SNX13: variants seen among roughly 807,000 people sequenced by gnomAD.
SNX13 encodes the protein sorting nexin-13.
Under a neutral mutation model 133.6 loss-of-function variants are expected in SNX13, and 45 were observed. The ratio of observed to expected loss-of-function variants is 0.34; its 90% CI spans 0.27 to 0.43. The LOEUF is 0.43. Ranked by LOEUF, SNX13 falls within the 20% of genes least tolerant of loss-of-function variation. The probability of loss-of-function intolerance (pLI) is 1.00; values close to 1 mark genes in which losing one functional copy is unlikely to be tolerated. For synonymous variants in SNX13, 414 were observed against 373.9 expected, an observed-to-expected ratio of 1.11 and a Z score of -1.24; for missense variants, 1,032 against 1,145.1, an observed-to-expected ratio of 0.90 and a Z score of 1.43.
intron 12 of SNX13, among the ~76,000 whole-genome samples, 152 bp from the exon 13 acceptor site, chr7:17,840,152 T>C (rs183138727): frequency 4.6e-5 from 7 of 152,208 alleles, no homozygotes; most frequent in Admixed American, 2.0e-4. Flanking sequence ...GGTGAAAATA[T>C]AGTTGTAAAT....
chr7:17,805,254 T>TGCGCGTGCGCGCGCGC (rs1785124880), intron 20 of SNX13, among the ~76,000 whole-genome samples: 1 of 132,440 alleles, frequency 7.6e-6, no homozygotes, highest in African/African-American at 2.7e-5. Context: ...TGTGTGTGCG[T>TGCGCGTGCGCGCGCGC]GCGCGCGCGC....
At chr7:17,882,870 G>A in intron 5 of SNX13, 4 of 1,282,896 alleles carry the variant, frequency 3.1e-6, no homozygotes, top group Non-Finnish European at 4.1e-6. Context: ...AACAAAACAG[G>A]GTTCCAGGAA....
At chr7:17,909,165 G>A (rs1203962543) in intron 1 of SNX13, among the ~76,000 whole-genome samples, 2 of 152,026 alleles carry the variant, frequency 1.3e-5, no homozygotes, top group East Asian at 3.9e-4. Context: ...ACCATCTCAC[G>A]CCAGTCAGAA....
intron 1 of SNX13, among the ~76,000 whole-genome samples, chr7:17,923,184 T>G (rs1800323876): frequency 6.6e-6 from 1 of 152,062 alleles, no homozygotes; most frequent in Non-Finnish European, 1.5e-5. Context: ...CTCCACCACG[T>G]GAAAAAACAT....
chr7:17,823,351 C>T (rs1242786503), intron 17 of SNX13, among the ~76,000 whole-genome samples: 1 of 152,098 alleles, frequency 6.6e-6, no homozygotes, highest in Non-Finnish European at 1.5e-5. Context: ...TACGTTTATT[C>T]ATAAGTGTGA....
rs60392827 is a variant in SNX13 at position 17,867,629 on chromosome 7, T to TA, written c.837+777dup. 1.8e-3 allele frequency among the ~76,000 whole-genome samples: 258 copies of TA among 142,450 alleles called. 1 individual carries two copies. In the East Asian group the frequency reaches 0.022, roughly 12 times the overall value. The allele number at this position is 142,450 out of a possible 152,430, so 93.5% of individuals were successfully genotyped here. On this transcript the variant is annotated intron_variant, in intron 9 of 25. Transcript: ENST00000428135. ...CAAAAATAAATAAATAAAAATAAAGTAAAAAAAAAAATAAAACAATGGCAA... is the reference window on the plus strand; with the variant it reads ...CAAAAATAAATAAATAAAAATAAAGTAAAAAAAAAAAATAAAACAATGGCAA...
intron 12 of SNX13, among the ~76,000 whole-genome samples, chr7:17,841,614 T>C (rs538153240): frequency 8.5e-4 from 122 of 143,074 alleles, no homozygotes; most frequent in Non-Finnish European, 1.6e-3. Context: ...ACAAAGTACA[T>C]GGCAAGTGTG....
At chr7:17,905,418 A>G (rs1798284127) in intron 1 of SNX13, among the ~76,000 whole-genome samples, 2 of 152,232 alleles carry the variant, frequency 1.3e-5, no homozygotes, top group Non-Finnish European at 2.9e-5. Context: ...AAGTGTAGTA[A>G]ATACCACATT....
intron 1 of SNX13, among the ~76,000 whole-genome samples, chr7:17,938,733 A>C (rs1029734011): frequency 2.0e-5 from 3 of 152,244 alleles, no homozygotes; most frequent in South Asian, 2.1e-4. Flanking sequence ...GTTCATTTGA[A>C]AGTATTAAAA....
At chr7:17,805,055 A>T (rs913165134) in intron 20 of SNX13, among the ~76,000 whole-genome samples, 4 of 152,210 alleles carry the variant, frequency 2.6e-5, no homozygotes, top group Non-Finnish European at 5.9e-5. Flanking sequence ...GCTTGACGGA[A>T]CATCCAACCC....
chr7:17,819,204 AT>A, intron 18 of SNX13, among the ~76,000 whole-genome samples: 1 of 152,318 alleles, frequency 6.6e-6, no homozygotes, highest in East Asian at 1.9e-4. Context: ...TTTAAGGAAA[AT>A]AAATGATAGC....
At chr7:17,825,680 G>A (rs1384534981) in intron 17 of SNX13, among the ~76,000 whole-genome samples, 3 of 152,006 alleles carry the variant, frequency 2.0e-5, no homozygotes, top group Non-Finnish European at 4.4e-5. Context: ...AACTAATCCT[G>A]AACTAAGATC....
chr7:17,851,965 C>G (rs1280858824), intron 9 of SNX13, among the ~76,000 whole-genome samples: 1 of 151,932 alleles, frequency 6.6e-6, no homozygotes, highest in Non-Finnish European at 1.5e-5. Context: ...AAGAAGAGAT[C>G]TAAGGACAGA....
chr7:17,867,922 C>T lies in SNX13; in HGVS notation c.837+485G>A, dbSNP rs571256751. Among the ~76,000 whole-genome samples the T allele has an allele frequency of 2.0e-5, 3 of 152,114 alleles. No individual in the cohort carries two copies. The East Asian group carries it at 5.8e-4, about 29-fold the overall frequency. ...AGTAATAACTAAGTCTTTGATATGT[C>T]TGACAGAAGAAAACTATTGAGTTAA... On this transcript the variant is annotated intron_variant, in intron 9 of 25. Transcript: ENST00000428135.
intron 1 of SNX13, among the ~76,000 whole-genome samples, chr7:17,934,684 C>T (rs1681973371): frequency 6.6e-6 from 1 of 152,122 alleles, no homozygotes; most frequent in African/African-American, 2.4e-5. Context: ...GAACTCAACA[C>T]AATTTCAAGA....
intron 8 of SNX13, among the ~76,000 whole-genome samples, 189 bp from the exon 9 acceptor site, chr7:17,868,679 T>C (rs2128345601): frequency 6.6e-6 from 1 of 152,180 alleles, no homozygotes; most frequent in African/African-American, 2.4e-5. Context: ...GAGATACAGT[T>C]ACCTGTATCA....
chr7:17,799,519 T>C (rs1367727775), intron 22 of SNX13, among the ~76,000 whole-genome samples: 1 of 151,774 alleles, frequency 6.6e-6, no homozygotes, highest in Non-Finnish European at 1.5e-5. Flanking sequence ...ATGCATCTTT[T>C]TCACAAGAAT....
chr7:17,825,188 A>C (rs1448198676), intron 17 of SNX13, among the ~76,000 whole-genome samples: 1 of 152,136 alleles, frequency 6.6e-6, no homozygotes, highest in Non-Finnish European at 1.5e-5. Flanking sequence ...CTTCAGTTCC[A>C]GTGACAAGAA....
At chr7:17,830,690 C>G in intron 15 of SNX13, 1 of 980,368 alleles carries the variant, frequency 1.0e-6, no homozygotes, top group Non-Finnish European at 1.2e-6. Context: ...ACATTAATGT[C>G]AAACAACAAT....
Sources: gnomAD v4.1 joint callset for allele counts (sites outside exome capture counted in the v4.1 genomes callset) on GRCh38, gnomAD v4.1.1 for gene constraint, MANE v1.5 for transcripts, NCBI Gene and HGNC (gene_info 2026-07-23, HGNC 2026-07-21) for gene names.